Variants in PATL1 observed in about 807,000 individuals in gnomAD.
PATL1 encodes the protein PAT1 homolog 1, processing body mRNA decay factor, also known as protein PAT1 homolog 1.
In PATL1, 32 loss-of-function variants were observed where a neutral mutation model predicts 100.6. The ratio of observed to expected loss-of-function variants is 0.32; its 90% confidence interval spans 0.24 to 0.43. PATL1 has a LOEUF of 0.43. Ranked by LOEUF, PATL1 falls within the 20% of genes least tolerant of loss-of-function variation. The probability of loss-of-function intolerance (pLI) is 1.00; values close to 1 mark genes in which losing one functional copy is unlikely to be tolerated. For synonymous variants in PATL1, 332 were observed against 330.0 expected (o/e 1.01, Z -0.07); for missense variants, 747 against 949.9 (o/e 0.79, Z 2.81).
chr11:59,644,945 A>C (rs1590695141), intron 15 of PATL1, among the ~76,000 whole-genome samples: 3 of 115,106 alleles, frequency 2.6e-5, no homozygotes, highest in East Asian at 2.5e-4. Context: ...TGGTTGTCCC[A>C]CTCTTAGAGG....
At chr11:59,645,492 T>C (rs570413244) in intron 15 of PATL1, among the ~76,000 whole-genome samples, 132 of 151,400 alleles carry the variant, frequency 8.7e-4, no homozygotes, top group African/African-American at 3.1e-3. Context: ...AATTTTATCA[T>C]TTCTTTTGTA....
intron 14 of PATL1, among the ~76,000 whole-genome samples, chr11:59,649,092 C>A (rs1464411533): frequency 6.6e-6 from 1 of 152,118 alleles, no homozygotes; most frequent in Non-Finnish European, 1.5e-5. Context: ...TACATCTGAT[C>A]TTAGTAATAA....
At chr11:59,668,808 G>C (rs925100626) in intron 1 of PATL1, 73 bp downstream of exon 1, 15 of 803,238 alleles carry the variant, frequency 1.9e-5, no homozygotes, top group Middle Eastern at 3.0e-4. Context: ...ACACAGGACC[G>C]GCGCGCGGAG....
At chr11:59,662,095 C>T (rs992092832) in intron 2 of PATL1, among the ~76,000 whole-genome samples, 1 of 152,152 alleles carries the variant, frequency 6.6e-6, no homozygotes, top group Admixed American at 6.5e-5. Flanking sequence ...CGATGTATCA[C>T]ATAATACTAG....
At chr11:59,648,046 T>A in intron 14 of PATL1, 133 bp from the exon 15 acceptor site, 1 of 596,186 alleles carries the variant, frequency 1.7e-6, no homozygotes, top group Non-Finnish European at 2.5e-6. Flanking sequence ...TATAAAACAG[T>A]AGGAATCACT....
chr11:59,638,774 G>A (rs773142864), intron 18 of PATL1, among the ~76,000 whole-genome samples: 3 of 152,020 alleles, frequency 2.0e-5, no homozygotes, highest in Non-Finnish European at 4.4e-5. Flanking sequence ...TCTGTCTCCC[G>A]GGTTTAAATG....
intron 12 of PATL1, 37 bp downstream of exon 12, chr11:59,651,507 C>A (rs748125000): frequency 3.3e-6 from 5 of 1,510,786 alleles, no homozygotes; most frequent in Non-Finnish European, 2.7e-6. Context: ...GGTCACAAAT[C>A]AGACGTTCTT....
At chr11:59,665,007 C>A (rs923978645) in intron 2 of PATL1, among the ~76,000 whole-genome samples, 2 of 152,202 alleles carry the variant, frequency 1.3e-5, no homozygotes, top group African/African-American at 4.8e-5. Context: ...CATCTTGGAT[C>A]ATGTTATCCT....
chr11:59,651,472 A>G (rs1278466358), intron 12 of PATL1, 72 bp downstream of exon 12: 3 of 1,216,044 alleles, frequency 2.5e-6, no homozygotes, highest in Non-Finnish European at 3.6e-6. Context: ...GCCTGATCTC[A>G]TTCCATGGTG....
At chr11:59,666,726 G>T in intron 2 of PATL1, 127 bp downstream of exon 2, 2 of 990,648 alleles carry the variant, frequency 2.0e-6, no homozygotes, top group Middle Eastern at 6.7e-4. Flanking sequence ...CTAAGATGAG[G>T]AATAGAAGAA....
At position 59,668,963 on chromosome 11, in the gene PATL1, G is replaced by A. The variant is rs1274473147; in HGVS notation, c.-68C>T. ...GGAGGGAAGAAGCGCTGACTCCCCG[G>A]CTCCTCCGCGCGCGGGTCCTCCACC... On this transcript the variant is annotated 5_prime_UTR_variant, in exon 1 of 19. Transcript: ENST00000300146. The A allele has an allele frequency of 5.9e-6, 2 of 340,556 alleles. No homozygotes were observed. The highest frequency in any genetic ancestry group is 5.0e-5 in the Admixed American group (1 of 20,028). The allele number at this position is 340,556 out of a possible 1,614,324, so 21.1% of individuals were successfully genotyped here.
intron 2 of PATL1, among the ~76,000 whole-genome samples, chr11:59,663,997 T>A (rs1408493991): frequency 6.6e-6 from 1 of 152,178 alleles, no homozygotes; most frequent in Non-Finnish European, 1.5e-5. Flanking sequence ...GGAATTAAGA[T>A]CTTCACTTTA....
chr11:59,636,813 A>T lies in PATL1; in HGVS notation c.*1577T>A, dbSNP rs1013894274. ...TAATTAGAACCAATCCAAACAAAAA[A>T]GATAAAGCACAGTAAGGAAGAGATA... On this transcript the variant is annotated 3_prime_UTR_variant, in exon 19 of 19. Transcript: ENST00000300146. 1.3e-5 allele frequency: 2 copies of T among 152,642 alleles called. No homozygotes were observed. Among genetic ancestry groups the T allele is most frequent in the African/African-American group, 4.8e-5 (2 of 41,464 alleles). The allele number at this position is 152,642 out of a possible 1,614,324, so 9.5% of individuals were successfully genotyped here. A position where few individuals can be genotyped will look rare whatever the true frequency, so the allele number is the denominator to read the frequency against.
At position 59,655,617 on chromosome 11, in the gene PATL1, G is replaced by C; in HGVS notation, c.937C>G (p.Pro313Ala). ...GRVGQMLPPAPGFRAFFSAPP... is the reference protein window; with the variant it reads ...GRVGQMLPPAAGFRAFFSAPP... ...GCACTAAAGAAGGCACGGAAGCCTGGTGCTGGGGGAAGCATCTGCCCAACT... is the reference window on the plus strand; with the variant it reads ...GCACTAAAGAAGGCACGGAAGCCTGCTGCTGGGGGAAGCATCTGCCCAACT... Residue 313 changes from proline (P) to alanine (A), a missense_variant, in exon 8 of 19, where the codon CCA (proline) becomes GCA (alanine). Around this residue, in one of 4 missense-constraint regions of PATL1, gnomAD observed 434 missense variants for 596.1 expected, o/e 0.73. Coordinates refer to ENST00000300146, the MANE Select transcript of PATL1 (RefSeq NM_152716.3). 1 of 1,595,834 alleles carries C rather than the reference G, an allele frequency of 6.3e-7. No homozygotes were observed. Among genetic ancestry groups the C allele is most frequent in the East Asian group, 2.3e-5 (1 of 44,238 alleles).
Position 59,649,491 on chromosome 11 carries a change from G to C in PATL1, c.1704C>G (p.Asn568Lys). 6.2e-7 allele frequency: 1 copy of C among 1,613,890 alleles called. No homozygotes were observed. The highest frequency in any genetic ancestry group is 8.5e-7 in the Non-Finnish European group (1 of 1,179,858). The change falls in exon 14 of 19, where the codon AAC (asparagine) becomes AAG (lysine). Residue 568 changes from asparagine (N) to lysine (K), a missense_variant. Coordinates refer to ENST00000300146, the MANE Select transcript of PATL1 (RefSeq NM_152716.3). ...RKHKICSMYD[N>K]LRGKLPGQER... Reference sequence around the variant, plus strand: ...CTTGTCCAGGCAATTTCCCCCTTAAGTTGTCATACATGCTACAAATTTTGT... The same window carrying C: ...CTTGTCCAGGCAATTTCCCCCTTAACTTGTCATACATGCTACAAATTTTGT...
rs533446752 is a variant in PATL1, at chr11:59,652,975, G to A, written c.1165C>T (p.Arg389Trp). ...CGGAGATGATCTTGATGACTGCTCCGGTGACTTCCTCTATCTCCCGCACCA... is the reference window on the plus strand; with the variant it reads ...CGGAGATGATCTTGATGACTGCTCCAGTGACTTCCTCTATCTCCCGCACCA... ...LNGAGDRGSH[R>W]SSHQDHLRKD... Residue 389 changes from arginine (R) to tryptophan (W), a missense_variant, in exon 10 of 19, where the codon CGG becomes TGG. This residue lies in a region of PATL1 where 434 missense variants were observed against 596.1 expected (regional missense o/e 0.73). Transcript: ENST00000300146. 28 of 1,613,754 alleles carry A rather than the reference G, an allele frequency of 1.7e-5. No homozygotes were observed. Among genetic ancestry groups the A allele is most frequent in the Middle Eastern group, 1.6e-4 (1 of 6,084 alleles).
At chr11:59,668,772 C>T (rs1231854446) in intron 1 of PATL1, 109 bp downstream of exon 1, 10 of 601,050 alleles carry the variant, frequency 1.7e-5, no homozygotes, top group Middle Eastern at 4.0e-4. Flanking sequence ...CTGCGACTCC[C>T]CCAGCCCGCC....
At chr11:59,654,206 G>T in intron 8 of PATL1, 134 bp from the exon 9 acceptor site, 1 of 725,450 alleles carries the variant, frequency 1.4e-6, no homozygotes, top group South Asian at 1.7e-5. Flanking sequence ...GATGGGTGCG[G>T]TGACTCACGC....
chr11:59,645,379 TC>T (rs893205862), intron 15 of PATL1, among the ~76,000 whole-genome samples: 82 of 141,908 alleles, frequency 5.8e-4, no homozygotes, highest in African/African-American at 2.0e-3. Flanking sequence ...GCCCCTCACT[TC>T]CCCCCCCATC....
Sources: allele counts gnomAD v4.1 joint callset (sites outside exome capture counted in the v4.1 genomes callset), GRCh38; gene constraint gnomAD v4.1.1; regional missense constraint gnomAD v4.1.1; transcripts MANE v1.5; gene names NCBI Gene and HGNC (gene_info 2026-07-23, HGNC 2026-07-21).